LAMA2: variants seen among roughly 807,000 people sequenced by gnomAD.
LAMA2 encodes laminin subunit alpha-2.
Under a neutral mutation model 364.8 loss-of-function variants are expected in LAMA2, and 269 were observed. The ratio of observed to expected loss-of-function variants is 0.74; its 90% CI spans 0.67 to 0.82. The LOEUF (loss-of-function observed/expected upper bound fraction) is 0.82. Among genes scored for constraint, LAMA2 ranks in the 40% least tolerant of loss-of-function variants. The probability of loss-of-function intolerance (pLI) is 0.00; values close to 1 mark genes in which losing one functional copy is unlikely to be tolerated. For synonymous variants in LAMA2, 1,379 were observed against 1,370.6 expected (o/e 1.01, Z -0.14); for missense variants, 3,807 against 3,873.2 (o/e 0.98, Z 0.45).
At chr6:129,497,592 T>TGAA (rs1375385115) in intron 58 of LAMA2, among the ~76,000 whole-genome samples, 3 of 152,238 alleles carry the variant, frequency 2.0e-5, no homozygotes, top group African/African-American at 4.8e-5. Context: ...AGTTAACTCC[T>TGAA]GAAGTGAGAA....
At chr6:129,065,122 G>A (rs1459091298) in intron 3 of LAMA2, among the ~76,000 whole-genome samples, 1 of 152,074 alleles carries the variant, frequency 6.6e-6, no homozygotes, top group East Asian at 1.9e-4. Context: ...CTATAAATGT[G>A]ATACCTTACA....
At chr6:128,917,959 G>C (rs1778451883) in intron 1 of LAMA2, among the ~76,000 whole-genome samples, 1 of 150,962 alleles carries the variant, frequency 6.6e-6, no homozygotes, top group Non-Finnish European at 1.5e-5. Flanking sequence ...TGAACTCCTG[G>C]GCTCAAACAA....
intron 1 of LAMA2, among the ~76,000 whole-genome samples, chr6:128,971,801 C>T (rs894297254): frequency 6.6e-6 from 1 of 152,112 alleles, no homozygotes; most frequent in African/African-American, 2.4e-5. Context: ...AACAGGATGC[C>T]AGGATTTTAC....
chr6:128,983,921 G>T (rs988710465), intron 1 of LAMA2, among the ~76,000 whole-genome samples: 1 of 152,140 alleles, frequency 6.6e-6, no homozygotes, highest in Non-Finnish European at 1.5e-5. Flanking sequence ...ATCAGGTCAA[G>T]GTATGTTATG....
intron 1 of LAMA2, among the ~76,000 whole-genome samples, chr6:129,011,488 C>T (rs1486928619): frequency 2.6e-5 from 4 of 152,102 alleles, no homozygotes; most frequent in African/African-American, 9.7e-5. Context: ...CGTGACTTGT[C>T]CTTTATGTTT....
intron 1 of LAMA2, among the ~76,000 whole-genome samples, chr6:128,943,273 G>A (rs529303565): frequency 5.5e-5 from 1 of 18,290 alleles, no homozygotes; most frequent in Non-Finnish European, 2.0e-4. Flanking sequence ...TATACACAGA[G>A]AGAGAGAGAG....
At chr6:129,211,547 G>A (rs1047860614) in intron 12 of LAMA2, among the ~76,000 whole-genome samples, 38 of 152,228 alleles carry the variant, frequency 2.5e-4, no homozygotes, top group Admixed American at 1.8e-3. Flanking sequence ...TTGCAGCTCA[G>A]AAGGGACCCG....
chr6:129,334,197 C>A (rs977939582), intron 29 of LAMA2, among the ~76,000 whole-genome samples: 10 of 152,134 alleles, frequency 6.6e-5, no homozygotes, highest in Non-Finnish European at 1.5e-5. Context: ...CATATCATAT[C>A]CATTATACAG....
chr6:129,213,636 C>T (rs1481487186), intron 12 of LAMA2, among the ~76,000 whole-genome samples: 1 of 152,224 alleles, frequency 6.6e-6, no homozygotes, highest in Non-Finnish European at 1.5e-5. Flanking sequence ...AGATGATGAG[C>T]ATGTTTTCAT....
At chr6:129,430,623 A>G (rs929928663) in intron 41 of LAMA2, among the ~76,000 whole-genome samples, 4 of 152,232 alleles carry the variant, frequency 2.6e-5, no homozygotes, top group Non-Finnish European at 5.9e-5. Context: ...GAGTGAAAAG[A>G]TGAATTAGTA....
At chr6:128,912,181 G>GA (rs1778011775) in intron 1 of LAMA2, among the ~76,000 whole-genome samples, 3 of 152,032 alleles carry the variant, frequency 2.0e-5, no homozygotes, top group South Asian at 2.1e-4. Flanking sequence ...GGGTTGCATG[G>GA]AAAAAATGTT....
intron 1 of LAMA2, among the ~76,000 whole-genome samples, chr6:129,024,382 CTTTTTT>C (rs202105513): frequency 1.7e-5 from 2 of 116,790 alleles, no homozygotes; most frequent in Non-Finnish European, 1.9e-5. Flanking sequence ...TCTTTTCTTT[CTTTTTT>C]TTTTTTTTTT....
intron 22 of LAMA2, among the ~76,000 whole-genome samples, chr6:129,310,428 G>C (rs1269158828): frequency 1.3e-5 from 2 of 152,150 alleles, no homozygotes; most frequent in African/African-American, 2.4e-5. Flanking sequence ...CTAGGAGTTT[G>C]GCCAGGTGCT....
At chr6:129,175,830 T>TA (rs1780550383) in intron 9 of LAMA2, among the ~76,000 whole-genome samples, 1 of 152,086 alleles carries the variant, frequency 6.6e-6, no homozygotes, top group South Asian at 2.1e-4. Context: ...TTCCAGAACT[T>TA]AAAGTATAAT....
intron 3 of LAMA2, among the ~76,000 whole-genome samples, chr6:129,068,767 C>T (rs1020410823): frequency 1.1e-4 from 16 of 152,156 alleles, no homozygotes; most frequent in African/African-American, 3.6e-4. Context: ...ACCACACTTA[C>T]AGCTTTATTT....
intron 20 of LAMA2, among the ~76,000 whole-genome samples, chr6:129,293,822 A>G (rs191381463): frequency 6.1e-4 from 93 of 152,296 alleles, no homozygotes; most frequent in African/African-American, 2.1e-3. Flanking sequence ...GAAGTAAAAA[A>G]CAATTCATGG....
intron 12 of LAMA2, among the ~76,000 whole-genome samples, chr6:129,244,483 G>A (rs1445411444): frequency 6.6e-6 from 1 of 152,070 alleles, no homozygotes; most frequent in Non-Finnish European, 1.5e-5. Context: ...ATCCTGCTCA[G>A]TATTATAAAG....
At chr6:129,373,154 C>A (rs1044684894) in intron 34 of LAMA2, among the ~76,000 whole-genome samples, 7 of 152,162 alleles carry the variant, frequency 4.6e-5, no homozygotes, top group African/African-American at 1.7e-4. Flanking sequence ...CCCAGCTTAT[C>A]AATTAGGTTT....
intron 37 of LAMA2, among the ~76,000 whole-genome samples, chr6:129,398,658 G>A (rs1779797339): frequency 6.6e-6 from 1 of 151,692 alleles, no homozygotes; most frequent in Non-Finnish European, 1.5e-5. Flanking sequence ...ATTTTTAGTA[G>A]AGACGAGGTT....
Sources: gnomAD v4.1 joint callset for allele counts (sites outside exome capture counted in the v4.1 genomes callset) on GRCh38, gnomAD v4.1.1 for gene constraint, MANE v1.5 for transcripts, NCBI Gene and HGNC (gene_info 2026-07-23, HGNC 2026-07-21) for gene names.